Variants in ARAP2 observed in about 807,000 individuals in gnomAD.
ARAP2 encodes ArfGAP with RhoGAP domain, ankyrin repeat and PH domain 2, also known as arf-GAP with Rho-GAP domain, ANK repeat and PH domain-containing protein 2.
ARAP2 carries 148 observed loss-of-function variants against 194.5 expected under a neutral mutation model. The ratio of observed to expected loss-of-function variants is 0.76; its 90% confidence interval spans 0.67 to 0.87. The LOEUF is 0.87. Ranked by LOEUF, ARAP2 falls within the 40% of genes least tolerant of loss-of-function variation. The pLI, the probability that ARAP2 is intolerant of heterozygous loss-of-function variation, is 0.00. For missense variants in ARAP2, 2,128 were observed against 1,989.7 expected (o/e 1.07, Z -1.32); for synonymous variants, 695 against 683.5 (o/e 1.02, Z -0.26).
At chr4:36,230,437 A>G (rs1013882491) in intron 1 of ARAP2, among the ~76,000 whole-genome samples, 3 of 152,254 alleles carry the variant, frequency 2.0e-5, no homozygotes, top group African/African-American at 4.8e-5. Flanking sequence ...TGTAAACAAT[A>G]GTGATATACA....
chr4:36,136,879 A>T (rs1385160725), intron 19 of ARAP2, among the ~76,000 whole-genome samples: 1 of 150,078 alleles, frequency 6.7e-6, no homozygotes, highest in East Asian at 2.0e-4. Flanking sequence ...TTTCCTGAGC[A>T]ACTTATTACA....
intron 19 of ARAP2, among the ~76,000 whole-genome samples, chr4:36,144,619 G>A (rs969073571): frequency 6.6e-6 from 1 of 151,880 alleles, no homozygotes; most frequent in Non-Finnish European, 1.5e-5. Context: ...TATGCTCGCT[G>A]TATAAAGCTC....
intron 19 of ARAP2, among the ~76,000 whole-genome samples, chr4:36,137,383 G>T (rs1298709185): frequency 6.6e-6 from 1 of 151,824 alleles, no homozygotes; most frequent in Admixed American, 6.6e-5. Context: ...ACAATGAGCA[G>T]AGAATGCATA....
rs1348664477 is a variant in ARAP2 at position 36,224,547 on chromosome 4, T to C, written c.905+4035A>G. Among the ~76,000 whole-genome samples the C allele has an allele frequency of 2.0e-5, 3 of 152,170 alleles. No individual in the cohort carries two copies. The East Asian group carries it at 5.8e-4, about 29-fold the overall frequency. On this transcript the variant is annotated intron_variant, in intron 2 of 32. Transcript: ENST00000303965. ...TGCAACACATAAGTTTACAACATCA[T>C]GAATTTTTTAATCTACTAGCAAAAA...
rs762383046 is a variant in ARAP2 at position 36,177,833 on chromosome 4, G to A, written c.1851C>T (p.Asn617=). 36 of 1,600,080 alleles carry A rather than the reference G, an allele frequency of 2.2e-5. No homozygotes were observed. The highest frequency in any genetic ancestry group is 9.0e-5 in the South Asian group (8 of 88,442). The change falls in exon 9 of 33, where the codon AAC becomes AAT. Residue 617 remains asparagine, a synonymous_variant. Transcript: ENST00000303965. ...LSGNSVWLCK[N]EQDFKSGLGI... is the part of the protein sequence containing the mutation. ...TGACTATAACAGAGCTCACCTGTTCGTTTTTGCAAAGCCACACACTGTTTC... is the reference window on the plus strand; with the variant it reads ...TGACTATAACAGAGCTCACCTGTTCATTTTTGCAAAGCCACACACTGTTTC...
In ARAP2 at chr4:36,068,073, C is replaced by T. The variant is rs938621843; in HGVS notation, c.4949G>A (p.Gly1650Asp). 3.1e-6 allele frequency: 5 copies of T among 1,614,106 alleles called. 1 individual carries two copies. Among genetic ancestry groups the T allele is most frequent in the Non-Finnish European group, 8.5e-7 (1 of 1,179,984 alleles). Residue 1650 changes from glycine to aspartate, a missense_variant, in exon 33 of 33, where the codon GGC (glycine) becomes GAC (aspartate). Gly to Asp is a moderately conservative substitution (Grantham distance 94, BLOSUM62 -1). Coordinates refer to ENST00000303965, the MANE Select transcript of ARAP2 (RefSeq NM_015230.4). ...CCTCAATGTCTTTAGGCCTTTATGG[C>T]CTTTTGGTTGCCCAAGTGGGGCTTC... ...EPEAPLGQPK[G>D]HKGLKTLRKT...
At chr4:36,006,560 C>G (rs940100249) in intron 10 of ARAP2, 2 of 152,076 alleles carry the variant, frequency 1.3e-5, no homozygotes, top group Non-Finnish European at 2.9e-5. Context: ...TTACAATAGA[C>G]TGTTCTTTGT....
In ARAP2 at chr4:36,193,592, A is replaced by G. The variant is rs781410989; in HGVS notation, c.1543T>C (p.Tyr515His). The change falls in exon 7 of 33, where the codon TAC (tyrosine) becomes CAC (histidine). Residue 515 changes from tyrosine to histidine, a missense_variant. Physicochemically the swap from Tyr to His is moderately conservative, Grantham distance 83. Coordinates refer to ENST00000303965, the MANE Select transcript of ARAP2 (RefSeq NM_015230.4). ...AATGTATTTACCTTCTCATTATTGT[A>G]GTAAGAAATGCTAAGGCCATCAAAT... ...VKFDGLSISY[Y>H]NNEKEMYSKG... 6.3e-7 allele frequency: 1 copy of G among 1,591,738 alleles called. No individual in the cohort carries two copies. The highest frequency in any genetic ancestry group is 8.5e-7 in the Non-Finnish European group (1 of 1,170,120).
At chr4:36,038,094 C>T (rs1200715183) in intron 5 of ARAP2, among the ~76,000 whole-genome samples, 2 of 152,130 alleles carry the variant, frequency 1.3e-5, no homozygotes, top group Non-Finnish European at 2.9e-5. Flanking sequence ...AAGTGAATAA[C>T]ATTAGGCCTT....
chr4:36,184,169 T>C (rs1230360023), intron 8 of ARAP2, among the ~76,000 whole-genome samples: 2 of 152,148 alleles, frequency 1.3e-5, no homozygotes, highest in Non-Finnish European at 2.9e-5. Flanking sequence ...AAGTTTACAC[T>C]TAATAATACT....
At chr4:36,196,178 T>G (rs1464608137) in intron 6 of ARAP2, among the ~76,000 whole-genome samples, 1 of 152,250 alleles carries the variant, frequency 6.6e-6, no homozygotes, top group Non-Finnish European at 1.5e-5. Context: ...TCACATGTCT[T>G]ACTTAAGATT....
chr4:36,198,266 C>T (rs1743582936), intron 6 of ARAP2, among the ~76,000 whole-genome samples: 1 of 152,186 alleles, frequency 6.6e-6, no homozygotes, highest in South Asian at 2.1e-4. Context: ...GATGTCTGCG[C>T]AGCTCTGGCT....
chr4:36,211,631 G>A (rs919483405), intron 5 of ARAP2, among the ~76,000 whole-genome samples: 1 of 151,816 alleles, frequency 6.6e-6, no homozygotes, highest in Non-Finnish European at 1.5e-5. Context: ...TTTAACTGAG[G>A]GAAACCTATA....
At position 36,228,605 on chromosome 4, in the gene ARAP2, C is replaced by T. The variant is rs1241439238; in HGVS notation, c.882G>A (p.Gly294=). The part of the protein sequence containing the change: ...LRHRPVPEIP[G]STKGVSGSYF... ...ACCTCCCAGAAACTCCTTTTGTTGA[C>T]CCTGGAATCTCTGGTACAGGTCGAT... Residue 294 remains glycine (G), a synonymous_variant, in exon 2 of 33, where the codon GGG becomes GGA. Transcript: ENST00000303965. 3 of 1,603,406 alleles carry T rather than the reference C, an allele frequency of 1.9e-6. No individual in the cohort carries two copies. Among genetic ancestry groups the T allele is most frequent in the African/African-American group, 2.7e-5 (2 of 74,466 alleles).
At chr4:36,074,800 C>T (rs780889316) in intron 31 of ARAP2, among the ~76,000 whole-genome samples, 4 of 151,956 alleles carry the variant, frequency 2.6e-5, no homozygotes, top group Non-Finnish European at 5.9e-5. Flanking sequence ...TGCTTTATGG[C>T]AAAGAACTCA....
intron 5 of ARAP2, 118 bp from the exon 6 acceptor site, chr4:36,210,861 A>C (rs1378252814): frequency 1.3e-6 from 1 of 762,694 alleles, no homozygotes. Context: ...AAAATCCTAG[A>C]GTTTCCATTA....
At position 36,016,901 on chromosome 4, in the gene ARAP2, TAC is replaced by T. The variant is rs1446095775; in HGVS notation, n.751-945_751-944del. On this transcript the variant is annotated intron_variant and non_coding_transcript_variant, in intron 6 of 12. Transcript: ENST00000503225. ...AGGTGGAGCCTCATTCCATTTATGG[TAC>T]ACTTTTTTTGACCTTCCTGGGGCTG... Among the ~76,000 whole-genome samples, 8 of 152,220 alleles carry T rather than the reference TAC, an allele frequency of 5.3e-5. No homozygotes were observed. The East Asian group carries it at 1.5e-3, about 29-fold the overall frequency.
chr4:36,014,248 A>AGAAAGAAAGAAAGAAAGAAAGAAAGAAC, intron 8 of ARAP2, among the ~76,000 whole-genome samples: 1 of 137,662 alleles, frequency 7.3e-6, no homozygotes, highest in African/African-American at 2.9e-5. Flanking sequence ...AAAGAAAGAA[A>AGAAAGAAAGAAAGAAAGAAAGAAAGAAC]GAAAGAAAGA....
intron 1 of ARAP2, chr4:36,243,720 G>A (rs186465046): frequency 6.6e-6 from 1 of 152,198 alleles, no homozygotes; most frequent in African/African-American, 2.4e-5. Flanking sequence ...AAGGTATCGG[G>A]TTCAGGCAGG....
Sources: allele counts gnomAD v4.1 joint callset (sites outside exome capture counted in the v4.1 genomes callset), GRCh38; gene constraint gnomAD v4.1.1; transcripts MANE v1.5; gene names NCBI Gene and HGNC (gene_info 2026-07-23, HGNC 2026-07-21).